ZFAT: variants seen among roughly 807,000 people sequenced by gnomAD.
The protein encoded by ZFAT is zinc finger protein ZFAT.
Under a neutral mutation model 117.7 loss-of-function variants are expected in ZFAT, and 64 were observed. That is an observed-to-expected ratio of 0.54 (90% CI 0.44 to 0.67). The LOEUF is 0.67. ZFAT is among the 30% of genes least tolerant of loss of function. The pLI, the probability that ZFAT is intolerant of heterozygous loss-of-function variation, is 0.00. For synonymous variants in ZFAT, 679 were observed against 615.0 expected (o/e 1.10, Z -1.54); for missense variants, 1,433 against 1,584.5 (o/e 0.90, Z 1.62).
Position 134,712,971 on chromosome 8 carries a change from AT to A in ZFAT, c.-109del. On this transcript the variant is annotated 5_prime_UTR_variant, in exon 1 of 16. It introduces an in-frame stop codon into an upstream open reading frame of the 5' UTR. Transcript: ENST00000377838. ...TGCTGACGCTTCGCTTTTTATTTTTATTTTTTTAAGAAAAGAGCCGGCGAGG... is the reference window on the plus strand; with the variant it reads ...TGCTGACGCTTCGCTTTTTATTTTTATTTTTTAAGAAAAGAGCCGGCGAGG... The A allele has an allele frequency of 7.7e-7, 1 of 1,303,052 alleles. No homozygotes were observed. Among genetic ancestry groups the A allele is most frequent in the Non-Finnish European group, 1.0e-6 (1 of 995,396 alleles). 80.7% of individuals were successfully genotyped at this position (1,303,052 alleles called of 1,614,324 possible). A position where few individuals can be genotyped will look rare whatever the true frequency, so the allele number is the denominator to read the frequency against.
intron 3 of ZFAT, among the ~76,000 whole-genome samples, chr8:134,634,719 C>A (rs937661208): frequency 6.6e-6 from 1 of 152,230 alleles, no homozygotes; most frequent in South Asian, 2.1e-4. Flanking sequence ...ATGTCACTGA[C>A]AAATGATGCC....
intron 1 of ZFAT, among the ~76,000 whole-genome samples, chr8:134,663,210 G>A (rs73369166): frequency 0.011 from 1,654 of 152,332 alleles, 34 homozygotes; most frequent in African/African-American, 0.038. Context: ...GAAGTGCTCA[G>A]CAGTGGACAA....
At chr8:134,802,726 T>A in the ZFAT span, among the ~76,000 whole-genome samples, 1 of 152,226 alleles carries the variant, frequency 6.6e-6, no homozygotes, top group Non-Finnish European at 1.5e-5. Context: ...GAACAAATCT[T>A]AAATAATAAG....
At chr8:134,831,815 G>C in the ZFAT span, among the ~76,000 whole-genome samples, 1 of 151,964 alleles carries the variant, frequency 6.6e-6, no homozygotes, top group South Asian at 2.1e-4. Flanking sequence ...CCGACCCTGA[G>C]GGACGGGGGC....
rs1454438122 is a variant in ZFAT at position 134,602,683 on chromosome 8, C to T, written c.1036G>A (p.Glu346Lys). The change falls in exon 6 of 16, where the codon GAG (glutamate) becomes AAG (lysine). Residue 346 changes from glutamate (E) to lysine (K), a missense_variant. Physicochemically the swap from Glu to Lys is moderately conservative, Grantham distance 56. Transcript: ENST00000377838. ...LSKGHLKVHI[E>K]RVHKKIKQHC... The stretch of plus-strand genomic sequence containing the variant: ...TGCTTGATCTTCTTGTGCACTCGCT[C>T]GATGTGCACCTTGAGGTGGCCCTTG... The T allele has an allele frequency of 2.5e-6, 4 of 1,614,060 alleles. No homozygotes were observed. Among genetic ancestry groups the T allele is most frequent in the Admixed American group, 3.3e-5 (2 of 60,012 alleles).
At chr8:134,575,153 G>A (rs1323460800) in intron 10 of ZFAT, among the ~76,000 whole-genome samples, 4 of 152,186 alleles carry the variant, frequency 2.6e-5, no homozygotes, top group South Asian at 4.1e-4. Context: ...ACCCCATGCT[G>A]TGGGTTGATA....
the ZFAT span, among the ~76,000 whole-genome samples, chr8:134,818,019 G>C: frequency 2.0e-5 from 3 of 152,114 alleles, no homozygotes; most frequent in Admixed American, 1.3e-4. Context: ...ACTATATTTA[G>C]ATAGAAAACC....
At chr8:134,572,703 T>A (rs1825013168) in intron 10 of ZFAT, among the ~76,000 whole-genome samples, 1 of 151,976 alleles carries the variant, frequency 6.6e-6, no homozygotes, top group Non-Finnish European at 1.5e-5. Context: ...CCACACCTTG[T>A]AAATAAGGAC....
chr8:134,513,787 A>T (rs1434081967), intron 13 of ZFAT, among the ~76,000 whole-genome samples: 3 of 152,258 alleles, frequency 2.0e-5, no homozygotes, highest in African/African-American at 7.2e-5. Flanking sequence ...AGCATATATC[A>T]GTAAATGACA....
the ZFAT span, among the ~76,000 whole-genome samples, chr8:134,754,483 C>A: frequency 6.6e-6 from 1 of 152,316 alleles, no homozygotes; most frequent in Non-Finnish European, 1.5e-5. Flanking sequence ...CATGGGCTGC[C>A]GGTCACACAG....
intron 13 of ZFAT, among the ~76,000 whole-genome samples, chr8:134,517,666 T>A (rs536271682): frequency 1.7e-3 from 263 of 152,350 alleles, no homozygotes; most frequent in Middle Eastern, 6.8e-3. Flanking sequence ...AGGATCCAAT[T>A]CTGCATCCCA....
At chr8:134,580,296 A>G (rs1351445351) in intron 10 of ZFAT, among the ~76,000 whole-genome samples, 2 of 152,236 alleles carry the variant, frequency 1.3e-5, no homozygotes, top group Non-Finnish European at 2.9e-5. Flanking sequence ...CTATTCAGTT[A>G]TTACTCATAC....
the ZFAT span, among the ~76,000 whole-genome samples, chr8:134,725,377 G>C: frequency 6.6e-6 from 1 of 152,166 alleles, no homozygotes; most frequent in Non-Finnish European, 1.5e-5. Context: ...CATAGCACTG[G>C]CATCTGCTCA....
intron 15 of ZFAT, among the ~76,000 whole-genome samples, chr8:134,501,543 A>T (rs1421686528): frequency 6.6e-6 from 1 of 152,196 alleles, no homozygotes; most frequent in Non-Finnish European, 1.5e-5. Flanking sequence ...CCGTTACGGG[A>T]AAGTGGAGTA....
In ZFAT at chr8:134,493,788, G is replaced by A. The variant is rs551010499; in HGVS notation, c.3493-15067C>T. Among the ~76,000 whole-genome samples, 10 of 152,282 alleles carry A rather than the reference G, an allele frequency of 6.6e-5. 1 individual carries two copies. The East Asian group carries it at 1.4e-3, about 21-fold the overall frequency. On this transcript the variant is annotated intron_variant, in intron 15 of 15. Transcript: ENST00000377838. Reference sequence around the variant, plus strand: ...CTCCCATGCACTTAAGCTGCTGCCCGTGTGCTTCACATATCCCCTCCACAC... The same window carrying A: ...CTCCCATGCACTTAAGCTGCTGCCCATGTGCTTCACATATCCCCTCCACAC...
intron 3 of ZFAT, among the ~76,000 whole-genome samples, chr8:134,625,872 C>A (rs966051055): frequency 1.3e-5 from 2 of 152,182 alleles, no homozygotes; most frequent in African/African-American, 2.4e-5. Context: ...AGAGCAAAGG[C>A]CCCCTGTGCC....
chr8:134,741,512 C>T, the ZFAT span, among the ~76,000 whole-genome samples: 1 of 152,238 alleles, frequency 6.6e-6, no homozygotes, highest in Non-Finnish European at 1.5e-5. Context: ...GGACTGTCCA[C>T]CTCAGTTGGC....
In ZFAT at chr8:134,553,429, G is replaced by C. The variant is rs543428571; in HGVS notation, c.2976+11904C>G. ...GAGGCAGAAGAATCGCTTGAACATG[G>C]GTGGCAGAAGTTTCAGCGAGCCGAG... is the stretch of plus-strand genomic sequence containing the variant. On this transcript the variant is annotated intron_variant, in intron 11 of 15. Coordinates refer to ENST00000377838, the MANE Select transcript of ZFAT (RefSeq NM_020863.4). Among the ~76,000 whole-genome samples the C allele has an allele frequency of 2.2e-3, 330 of 152,290 alleles. 2 individuals are homozygous for C. The highest frequency in any genetic ancestry group is 0.013 in the South Asian group (61 of 4,812).
At chr8:134,527,030 C>T (rs1821072522) in intron 12 of ZFAT, among the ~76,000 whole-genome samples, 2 of 151,968 alleles carry the variant, frequency 1.3e-5, no homozygotes, top group African/African-American at 2.4e-5. Flanking sequence ...AGGGGGAGGT[C>T]ATTCTGGTTT....
Sources: gnomAD v4.1 joint callset for allele counts (sites outside exome capture counted in the v4.1 genomes callset) on GRCh38, gnomAD v4.1.1 for gene constraint, MANE v1.5 for transcripts, NCBI Gene and HGNC (gene_info 2026-07-23, HGNC 2026-07-21) for gene names.